NADSYN1: variants seen among roughly 807,000 people sequenced by gnomAD.
NADSYN1 encodes the protein NAD synthetase 1, also known as glutamine-dependent NAD(+) synthetase.
In NADSYN1, 80 loss-of-function variants were observed where a neutral mutation model predicts 99.3. That is an observed-to-expected ratio of 0.81 (90% CI 0.67 to 0.97). NADSYN1 has a LOEUF of 0.97. NADSYN1 is among the 50% of genes least tolerant of loss of function. The pLI is 0.00. For missense variants in NADSYN1, 859 were observed against 948.5 expected (o/e 0.91, Z 1.24); for synonymous variants, 385 against 372.1 (o/e 1.03, Z -0.40).
intron 2 of NADSYN1, among the ~76,000 whole-genome samples, chr11:71,457,393 G>A (rs1012504262): frequency 1.3e-5 from 2 of 152,240 alleles, no homozygotes; most frequent in Admixed American, 6.5e-5. Flanking sequence ...GGCATTTGAA[G>A]TGTGCCTTCC....
chr11:71,499,005 CT>C (rs1949839939), intron 20 of NADSYN1: 1 of 154,826 alleles, frequency 6.5e-6, no homozygotes, highest in African/African-American at 2.4e-5. Flanking sequence ...ACAAGATCAC[CT>C]TTTCAAGATT....
rs1565602881 is a variant in NADSYN1, at chr11:71,480,761, A to T, written c.880A>T (p.Arg294Trp). The T allele has an allele frequency of 6.2e-7, 1 of 1,614,124 alleles. No homozygotes were observed. Among genetic ancestry groups the T allele is most frequent in the East Asian group, 2.2e-5 (1 of 44,872 alleles). Residue 294 changes from arginine (R) to tryptophan (W), a missense_variant, in exon 11 of 21, where the codon AGG (arginine) becomes TGG (tryptophan). Coordinates refer to ENST00000319023, the MANE Select transcript of NADSYN1 (RefSeq NM_018161.5). ...CTTGAATCTCCATTGCCAGGCCAGC[A>T]GGGCGAGCCCCTACCCCAGAGTGAA... Reference protein sequence around the residue: ...EISSRNLAASRASPYPRVKVD... With the variant: ...EISSRNLAASWASPYPRVKVD...
At position 71,482,026 on chromosome 11, in the gene NADSYN1, G is replaced by A; in HGVS notation, c.1150+1G>A. The A allele has an allele frequency of 1.2e-6, 2 of 1,608,326 alleles. No homozygotes were observed. Among genetic ancestry groups the A allele is most frequent in the Non-Finnish European group, 1.7e-6 (2 of 1,177,364 alleles). Reference sequence around the variant, plus strand: ...GTCTGCGAGGCCGTGAGGAGTGGAAGTAGGTGACATCTGTTGGCTTGAGGG... The same window carrying A: ...GTCTGCGAGGCCGTGAGGAGTGGAAATAGGTGACATCTGTTGGCTTGAGGG... On this transcript the variant is annotated splice_donor_variant, in intron 13 of 20. Transcript: ENST00000319023. LOFTEE classifies it high-confidence loss of function.
chr11:71,473,828 G>T lies in NADSYN1; in HGVS notation c.666+142G>T. The T allele has an allele frequency of 1.5e-5, 11 of 722,144 alleles. No homozygotes were observed. The South Asian group carries it at 1.9e-4, about 12-fold the overall frequency. The allele number at this position is 722,144 out of a possible 1,614,324, so 44.7% of individuals were successfully genotyped here. On this transcript the variant is annotated intron_variant, in intron 8 of 20. Transcript: ENST00000319023. Reference sequence around the variant, plus strand: ...TAATTATGGCCTGGACTCAACAAGTGTGCCCTGCTGCCCTCCAGGGCTTCG... The same window carrying T: ...TAATTATGGCCTGGACTCAACAAGTTTGCCCTGCTGCCCTCCAGGGCTTCG...
chr11:71,465,670 G>T (rs536523988), intron 5 of NADSYN1, among the ~76,000 whole-genome samples: 1 of 152,274 alleles, frequency 6.6e-6, no homozygotes, highest in East Asian at 1.9e-4. Flanking sequence ...TGTCCCCTGG[G>T]GGGTAAAATG....
At chr11:71,461,843 C>T (rs868598062) in intron 3 of NADSYN1, among the ~76,000 whole-genome samples, 10 of 152,214 alleles carry the variant, frequency 6.6e-5, no homozygotes, top group Admixed American at 2.0e-4. Flanking sequence ...CACCAGGCCC[C>T]ACCTCCAATG....
intron 10 of NADSYN1, chr11:71,478,755 G>A (rs192061599): frequency 3.2e-4 from 122 of 380,248 alleles, no homozygotes; most frequent in Non-Finnish European, 1.5e-4. Context: ...TGCCACACAA[G>A]GAAGACCCAA....
chr11:71,487,000 G>A (rs749647930), intron 16 of NADSYN1, among the ~76,000 whole-genome samples: 13 of 151,964 alleles, frequency 8.6e-5, no homozygotes, highest in Non-Finnish European at 1.9e-4. Context: ...TAGAGACGGT[G>A]TTTCACCGTG....
Position 71,478,103 on chromosome 11 carries a change from AGGGGTGTGTCTTACTGAC to A in NADSYN1, c.799-278_799-261del, listed in dbSNP as rs1281327562. Among the ~76,000 whole-genome samples the A allele has an allele frequency of 4.1e-3, 624 of 151,002 alleles. 4 individuals carry two copies. Among genetic ancestry groups the A allele is most frequent in the African/African-American group, 0.014 (587 of 40,690 alleles). Reference sequence around the variant, plus strand: ...TTACTGACAGGGGTGTCTTACTGACAGGGGTGTGTCTTACTGACGGGGTGTGTCTTATTGACAGGGTGG... The same window carrying A: ...TTACTGACAGGGGTGTCTTACTGACAGGGGTGTGTCTTATTGACAGGGTGG... On this transcript the variant is annotated intron_variant, in intron 9 of 20. Coordinates refer to ENST00000319023, the MANE Select transcript of NADSYN1 (RefSeq NM_018161.5).
chr11:71,488,811 A>AT (rs1167787699), intron 16 of NADSYN1, among the ~76,000 whole-genome samples: 1 of 151,954 alleles, frequency 6.6e-6, no homozygotes, highest in East Asian at 1.9e-4. Context: ...ACCACGCCTA[A>AT]TTTTTTTTGT....
At chr11:71,474,216 C>T (rs1366174157) in intron 8 of NADSYN1, among the ~76,000 whole-genome samples, 179 bp from the exon 9 acceptor site, 3 of 152,124 alleles carry the variant, frequency 2.0e-5, no homozygotes, top group Non-Finnish European at 2.9e-5. Context: ...CCTAGCAAGG[C>T]GGGGCTCGCC....
intron 16 of NADSYN1, among the ~76,000 whole-genome samples, chr11:71,490,500 C>T (rs758794105): frequency 3.9e-5 from 6 of 152,284 alleles, no homozygotes; most frequent in Admixed American, 6.5e-5. Context: ...GGCCCGCGGC[C>T]GCCCGGGCAG....
At chr11:71,474,720 G>A (rs1189875561) in intron 9 of NADSYN1, 194 bp downstream of exon 9, 3 of 587,516 alleles carry the variant, frequency 5.1e-6, no homozygotes, top group East Asian at 3.2e-5. Context: ...CGGGGGTCCC[G>A]CCTGCTCCTG....
At chr11:71,457,806 T>G (rs575705666) in intron 2 of NADSYN1, among the ~76,000 whole-genome samples, 8 of 152,282 alleles carry the variant, frequency 5.3e-5, no homozygotes, top group Admixed American at 1.3e-4. Context: ...CTCCTTTCTC[T>G]TACAAGGACA....
chr11:71,483,001 G>C lies in NADSYN1; in HGVS notation c.1303G>C (p.Ala435Pro), dbSNP rs1227545780. ...GACGTGCACCCGGGCCAGAGAGTTG[G>C]CCCAGCAGATTGGAAGGTAGAGTTG... ...QETCTRAREL[A>P]QQIGSHHISL... is the part of the protein sequence containing the mutation. The change falls in exon 14 of 21, where the codon GCC becomes CCC. Residue 435 changes from alanine (A) to proline (P), a missense_variant. Physicochemically the swap from Ala to Pro is conservative, Grantham distance 27 (BLOSUM62 -1). Coordinates refer to ENST00000319023, the MANE Select transcript of NADSYN1 (RefSeq NM_018161.5). The C allele has an allele frequency of 3.7e-6, 6 of 1,612,244 alleles. No individual in the cohort carries two copies. The highest frequency in any genetic ancestry group is 5.1e-6 in the Non-Finnish European group (6 of 1,179,596).
chr11:71,463,628 G>A (rs1168763616), intron 4 of NADSYN1, 143 bp downstream of exon 4: 8 of 725,642 alleles, frequency 1.1e-5, no homozygotes, highest in South Asian at 3.6e-5. Context: ...AGTGAGGGCC[G>A]ATGCACCAGG....
In NADSYN1 at chr11:71,464,098, C is replaced by T; in HGVS notation, c.363C>T (p.Gly121=). The T allele has an allele frequency of 6.2e-7, 1 of 1,612,568 alleles. No individual in the cohort carries two copies. The highest frequency in any genetic ancestry group is 8.5e-7 in the Non-Finnish European group (1 of 1,179,490). The stretch of plus-strand genomic sequence containing the variant: ...CCAAGATGGCCTTGGCCAATGAAGG[C>T]AACTACCGCGAGCTGCGCTGGTTCA... ...IRPKMALANE[G]NYRELRWFTP... The change falls in exon 5 of 21, where the codon GGC becomes GGT. Residue 121 remains glycine, a synonymous_variant. Coordinates refer to ENST00000319023, the MANE Select transcript of NADSYN1 (RefSeq NM_018161.5).
intron 14 of NADSYN1, 146 bp from the exon 15 acceptor site, chr11:71,484,166 C>A: frequency 8.3e-7 from 1 of 1,198,808 alleles, no homozygotes; most frequent in Non-Finnish European, 1.2e-6. Flanking sequence ...GGCTGCGCAG[C>A]ACTGTGGATT....
chr11:71,460,473 C>T (rs1949543869), intron 3 of NADSYN1, among the ~76,000 whole-genome samples: 1 of 152,204 alleles, frequency 6.6e-6, no homozygotes, highest in Non-Finnish European at 1.5e-5. Context: ...ATCTCAGCCT[C>T]CTGAGTACCC....
Sources: allele counts gnomAD v4.1 joint callset (sites outside exome capture counted in the v4.1 genomes callset), GRCh38; gene constraint gnomAD v4.1.1; transcripts MANE v1.5; gene names NCBI Gene and HGNC (gene_info 2026-07-23, HGNC 2026-07-21).